DOCK2: variants seen among roughly 807,000 people sequenced by gnomAD.
DOCK2 encodes dedicator of cytokinesis 2, also known as dedicator of cytokinesis protein 2.
In DOCK2, 87 loss-of-function variants were observed where a neutral mutation model predicts 248.9. The ratio of observed to expected loss-of-function variants is 0.35; its 90% confidence interval spans 0.29 to 0.42. DOCK2 has a LOEUF of 0.42. Among genes scored for constraint, DOCK2 ranks in the 10% least tolerant of loss-of-function variants. The pLI, the probability that DOCK2 is intolerant of heterozygous loss-of-function variation, is 1.00. For synonymous variants in DOCK2, 805 were observed against 821.6 expected (o/e 0.98, Z 0.35); for missense variants, 1,747 against 2,300.2 (o/e 0.76, Z 4.92).
At chr5:169,937,726 A>G (rs1714484728) in intron 27 of DOCK2, among the ~76,000 whole-genome samples, 1 of 152,226 alleles carries the variant, frequency 6.6e-6, no homozygotes, top group Admixed American at 6.5e-5. Flanking sequence ...ACTTTTGCCC[A>G]GTAGTAACTG....
chr5:169,878,951 C>A (rs540597367), intron 27 of DOCK2, among the ~76,000 whole-genome samples: 1 of 152,088 alleles, frequency 6.6e-6, no homozygotes, highest in Non-Finnish European at 1.5e-5. Flanking sequence ...GGTCTGTGCT[C>A]TTGGTGAGAT....
chr5:169,838,524 G>A (rs1299657917), intron 26 of DOCK2, among the ~76,000 whole-genome samples: 2 of 152,180 alleles, frequency 1.3e-5, no homozygotes, highest in East Asian at 1.9e-4. Flanking sequence ...ATAGGAGACT[G>A]TAAGTCAGCA....
At chr5:169,802,045 G>C (rs541264471) in intron 25 of DOCK2, among the ~76,000 whole-genome samples, 1 of 151,644 alleles carries the variant, frequency 6.6e-6, no homozygotes, top group African/African-American at 2.4e-5. Flanking sequence ...TTTCCTCAAG[G>C]TTTTCTGTTT....
At chr5:169,893,069 C>G (rs2113546962) in intron 27 of DOCK2, among the ~76,000 whole-genome samples, 1 of 152,296 alleles carries the variant, frequency 6.6e-6, no homozygotes, top group Admixed American at 6.5e-5. Flanking sequence ...CCTTCTCCTT[C>G]TCTCTTGCAT....
chr5:169,861,021 G>T (rs552781221), intron 27 of DOCK2, among the ~76,000 whole-genome samples: 113 of 152,306 alleles, frequency 7.4e-4, no homozygotes, highest in Non-Finnish European at 1.2e-4. Flanking sequence ...TAGAGTTCAG[G>T]TGTCTGAGTA....
chr5:169,970,792 G>T (rs1355551805), intron 27 of DOCK2, among the ~76,000 whole-genome samples: 1 of 152,192 alleles, frequency 6.6e-6, no homozygotes, highest in Admixed American at 6.5e-5. Flanking sequence ...TAGTAGATAT[G>T]GGGCTTTAAT....
At chr5:169,806,419 G>T (rs1767365565) in intron 26 of DOCK2, among the ~76,000 whole-genome samples, 1 of 152,016 alleles carries the variant, frequency 6.6e-6, no homozygotes, top group Non-Finnish European at 1.5e-5. Flanking sequence ...AAAGTGCTGG[G>T]ATTACAAGCC....
chr5:169,702,286 C>T lies in DOCK2; in HGVS notation c.1259-17C>T, dbSNP rs772079612. On this transcript the variant is annotated splice_polypyrimidine_tract_variant and intron_variant, in intron 13 of 51. Coordinates refer to ENST00000520908, the MANE Select transcript of DOCK2 (RefSeq NM_004946.3). ...GTAATCCACACTAACTCTTGTCTCTCTCTCCCTCTGCCTCAGGGGATGTCA... is the reference window on the plus strand; with the variant it reads ...GTAATCCACACTAACTCTTGTCTCTTTCTCCCTCTGCCTCAGGGGATGTCA... The T allele has an allele frequency of 6.2e-7, 1 of 1,613,030 alleles. No individual in the cohort carries two copies. The highest frequency in any genetic ancestry group is 8.5e-7 in the Non-Finnish European group (1 of 1,179,388).
chr5:170,075,149 A>G (rs1757795784), intron 46 of DOCK2, among the ~76,000 whole-genome samples: 1 of 152,200 alleles, frequency 6.6e-6, no homozygotes, highest in Non-Finnish European at 1.5e-5. Context: ...TTTTCCCCCA[A>G]GTAATTCATA....
At chr5:169,681,599 G>C (rs941272096) in intron 6 of DOCK2, 145 bp from the exon 7 acceptor site, 10 of 941,890 alleles carry the variant, frequency 1.1e-5, no homozygotes, top group Non-Finnish European at 1.6e-5. Flanking sequence ...GTGCTCACTA[G>C]CAGTGTCCCA....
chr5:169,781,029 G>A (rs1765683543), intron 25 of DOCK2, among the ~76,000 whole-genome samples: 1 of 152,170 alleles, frequency 6.6e-6, no homozygotes, highest in African/African-American at 2.4e-5. Flanking sequence ...GGTCCTGGTG[G>A]CTAGAGCCCA....
Position 169,764,225 on chromosome 5 carries a change from A to G in DOCK2, c.2554+2600A>G, listed in dbSNP as rs1764642797. On this transcript the variant is annotated intron_variant, in intron 25 of 51. Transcript: ENST00000520908. The surrounding 1 kb of genome is among the most constrained non-coding windows in gnomAD (Gnocchi z 4.3). ...GCCAGATGTGCAAATTGCCTGGAGT[A>G]TTTTCAGTGACAGTTGCTTGTACTC... Among the ~76,000 whole-genome samples, 1 of 152,134 alleles carries G rather than the reference A, an allele frequency of 6.6e-6. No individual in the cohort carries two copies. The highest frequency in any genetic ancestry group is 2.4e-5 in the African/African-American group (1 of 41,424).
At chr5:169,838,501 C>T (rs746696517) in intron 26 of DOCK2, among the ~76,000 whole-genome samples, 26 of 152,038 alleles carry the variant, frequency 1.7e-4, no homozygotes, top group African/African-American at 5.6e-4. Context: ...ATCATGTTCA[C>T]GTAGTACAAG....
intron 1 of DOCK2, among the ~76,000 whole-genome samples, chr5:169,653,670 C>T (rs1332935093): frequency 6.6e-5 from 10 of 152,242 alleles, no homozygotes; most frequent in Non-Finnish European, 1.5e-4. Flanking sequence ...GGCCCCCATG[C>T]ATGGCTCCAG....
intron 22 of DOCK2, among the ~76,000 whole-genome samples, chr5:169,725,293 G>A (rs1409358619): frequency 6.6e-6 from 1 of 152,142 alleles, no homozygotes; most frequent in Non-Finnish European, 1.5e-5. Context: ...GGATGAAAGA[G>A]AAAACTGTCA....
intron 14 of DOCK2, among the ~76,000 whole-genome samples, chr5:169,707,785 TG>T (rs1407674021): frequency 1.3e-5 from 2 of 152,234 alleles, no homozygotes; most frequent in Non-Finnish European, 2.9e-5. Flanking sequence ...GCTGCTTGGC[TG>T]ATCTGAGCCT....
intron 6 of DOCK2, among the ~76,000 whole-genome samples, chr5:169,677,725 C>G (rs1292455619): frequency 1.3e-5 from 2 of 152,314 alleles, no homozygotes; most frequent in East Asian, 3.9e-4. Context: ...GAAGTGCAGG[C>G]TCTGCTGCTC....
At chr5:169,701,150 G>A (rs533251506) in intron 13 of DOCK2, among the ~76,000 whole-genome samples, 1 of 152,058 alleles carries the variant, frequency 6.6e-6, no homozygotes, top group Non-Finnish European at 1.5e-5. Flanking sequence ...CTTCCTTCAG[G>A]CCTTCTCTGT....
chr5:169,843,411 A>G (rs1463432840), intron 27 of DOCK2, among the ~76,000 whole-genome samples: 1 of 152,084 alleles, frequency 6.6e-6, no homozygotes, highest in Non-Finnish European at 1.5e-5. Context: ...AGTCCCAGCT[A>G]CTCGGGAGGC....
Sources: allele counts gnomAD v4.1 joint callset (sites outside exome capture counted in the v4.1 genomes callset), GRCh38; gene constraint gnomAD v4.1.1; non-coding constraint Gnocchi (gnomAD v3.1); transcripts MANE v1.5; gene names NCBI Gene and HGNC (gene_info 2026-07-23, HGNC 2026-07-21).